RANBP3L: variants seen among roughly 807,000 people sequenced by gnomAD.
RANBP3L encodes ran-binding protein 3-like.
In RANBP3L, 56 loss-of-function variants were observed where a neutral mutation model predicts 67.2. The ratio of observed to expected loss-of-function variants is 0.83; its 90% CI spans 0.67 to 1.04. The LOEUF is 1.04. Among genes scored for constraint, RANBP3L ranks in the 50% least tolerant of loss-of-function variants. RANBP3L has a pLI of 0.00. For missense variants in RANBP3L, 496 were observed against 535.5 expected, an observed-to-expected ratio of 0.93 and a Z score of 0.73; for synonymous variants, 164 against 181.4, an observed-to-expected ratio of 0.90 and a Z score of 0.77.
chr5:36,295,032 G>A (rs1752105899), intron 1 of RANBP3L, among the ~76,000 whole-genome samples: 1 of 151,396 alleles, frequency 6.6e-6, no homozygotes, highest in Non-Finnish European at 1.5e-5. Flanking sequence ...GTTTGTCAGT[G>A]GAGATTTGTT....
intron 1 of RANBP3L, among the ~76,000 whole-genome samples, chr5:36,287,089 C>T (rs10042405): frequency 0.9 from 136,446 of 152,058 alleles, 62,678 homozygotes; most frequent in Non-Finnish European, 0.99. Flanking sequence ...TGCCCCGCCT[C>T]AGATCATCAG....
At chr5:36,298,929 A>T (rs150755681) in intron 1 of RANBP3L, among the ~76,000 whole-genome samples, 60 of 152,144 alleles carry the variant, frequency 3.9e-4, no homozygotes, top group African/African-American at 1.3e-3. Context: ...TGTCAACTTG[A>T]TTGGATTGAA....
chr5:36,287,453 G>A (rs916269534), intron 1 of RANBP3L, among the ~76,000 whole-genome samples: 4 of 152,162 alleles, frequency 2.6e-5, no homozygotes, highest in Non-Finnish European at 2.9e-5. Flanking sequence ...TAAAATAAAT[G>A]AAGTGCTATG....
At chr5:36,271,932 A>G (rs1014390958) in intron 1 of RANBP3L, among the ~76,000 whole-genome samples, 3 of 152,174 alleles carry the variant, frequency 2.0e-5, no homozygotes, top group Admixed American at 2.0e-4. Context: ...AGAGAAACTC[A>G]TTCATTCTAG....
In RANBP3L at chr5:36,262,004, T is replaced by C. The variant is rs776963502; in HGVS notation, c.519A>G (p.Leu173=). ...GCTGGACTGAAATTCTAGCCCTTGA[T>C]AAATTTTCACTTAACAAATAGGAAT... ...EGNSYLLSEN[L]SRARISVQLS... The change falls in exon 7 of 14, where the codon TTA becomes TTG. Residue 173 remains leucine (L), a synonymous_variant. Transcript: ENST00000296604. The C allele has an allele frequency of 1.2e-6, 2 of 1,606,112 alleles. No individual in the cohort carries two copies. Among genetic ancestry groups the C allele is most frequent in the Non-Finnish European group, 1.7e-6 (2 of 1,174,028 alleles).
intron 1 of RANBP3L, among the ~76,000 whole-genome samples, chr5:36,275,350 G>A (rs1750499827): frequency 6.6e-6 from 1 of 152,118 alleles, no homozygotes; most frequent in Non-Finnish European, 1.5e-5. Flanking sequence ...TTAGTAAGTG[G>A]CAACGCCTTT....
chr5:36,257,102 AG>A, intron 9 of RANBP3L, 31 bp from the exon 10 acceptor site: 1 of 1,588,046 alleles, frequency 6.3e-7, no homozygotes, highest in South Asian at 1.1e-5. Context: ...AACACTTAAA[AG>A]TCCCCATTTT....
intron 1 of RANBP3L, among the ~76,000 whole-genome samples, chr5:36,288,140 G>T (rs1207041681): frequency 1.3e-5 from 2 of 152,140 alleles, no homozygotes; most frequent in African/African-American, 4.8e-5. Flanking sequence ...TATTGCCCCA[G>T]TGTGTTCCTT....
At chr5:36,298,201 G>A (rs552028565) in intron 1 of RANBP3L, among the ~76,000 whole-genome samples, 11 of 151,760 alleles carry the variant, frequency 7.2e-5, no homozygotes, top group African/African-American at 2.7e-4. Context: ...TCAGGAGACG[G>A]AGGCAGAAGA....
At chr5:36,253,867 A>G (rs1429678858) in intron 11 of RANBP3L, 78 bp from the exon 12 acceptor site, 1 of 1,420,036 alleles carries the variant, frequency 7.0e-7, no homozygotes, top group African/African-American at 1.4e-5. Context: ...AGCAAAATAA[A>G]TCTTGTAGTT....
intron 1 of RANBP3L, among the ~76,000 whole-genome samples, chr5:36,271,825 T>G (rs1054737981): frequency 7.9e-5 from 12 of 152,206 alleles, no homozygotes; most frequent in African/African-American, 2.9e-4. Context: ...AGATAAAAAA[T>G]TAGTCTTACA....
intron 1 of RANBP3L, among the ~76,000 whole-genome samples, chr5:36,287,468 T>C (rs907329682): frequency 1.3e-5 from 2 of 152,124 alleles, no homozygotes; most frequent in Non-Finnish European, 2.9e-5. Context: ...GCTATGTAAA[T>C]GCAAACAAGA....
intron 1 of RANBP3L, among the ~76,000 whole-genome samples, chr5:36,273,068 T>C (rs1436672292): frequency 6.6e-6 from 1 of 152,216 alleles, no homozygotes; most frequent in East Asian, 1.9e-4. Flanking sequence ...CAATTCTTTG[T>C]TGTTTCTCAA....
At chr5:36,266,148 G>T (rs1278800126) in intron 4 of RANBP3L, among the ~76,000 whole-genome samples, 1 of 151,960 alleles carries the variant, frequency 6.6e-6, no homozygotes, top group African/African-American at 2.4e-5. Context: ...AATCTGAATT[G>T]GTAATGAACC....
intron 1 of RANBP3L, among the ~76,000 whole-genome samples, chr5:36,293,724 A>T (rs900343950): frequency 2.7e-5 from 4 of 148,502 alleles, no homozygotes; most frequent in African/African-American, 9.9e-5. Context: ...CATATATTGA[A>T]CCAGCCTTGC....
In RANBP3L at chr5:36,301,361, C is replaced by T. The variant is rs1166047917; in HGVS notation, c.56G>A (p.Cys19Tyr). Residue 19 changes from cysteine (C) to tyrosine (Y), a missense_variant, in exon 1 of 14, where the codon TGT becomes TAT. Cys to Tyr is a radical substitution (Grantham distance 194). Transcript: ENST00000296604. ...SSHLPGSLHT[C>Y]KLKLQEDRRQ... The stretch of plus-strand genomic sequence containing the variant: ...CCGGTCCTCCTGCAGCTTCAGTTTA[C>T]AGGTGTGCAAACTGCCAGGCAGGTG... 2.5e-6 allele frequency: 4 copies of T among 1,613,694 alleles called. No homozygotes were observed. The African/African-American group carries it at 5.3e-5, about 22-fold the overall frequency.
Position 36,270,353 on chromosome 5 carries a change from G to A in RANBP3L, c.151-363C>T, listed in dbSNP as rs534761137. On this transcript the variant is annotated intron_variant, in intron 2 of 13. Transcript: ENST00000296604. ...TCTGAAGTGGTTGTTCTGGGATGGG[G>A]TCCAGGAATCTGCTTTTTTAACAAG... 1.2e-4 allele frequency among the ~76,000 whole-genome samples: 18 copies of A among 152,328 alleles called. 1 individual carries two copies. The highest frequency in any genetic ancestry group is 3.8e-4 in the African/African-American group (16 of 41,574).
chr5:36,251,709 A>G (rs1561091430), intron 12 of RANBP3L, among the ~76,000 whole-genome samples: 5 of 152,160 alleles, frequency 3.3e-5, no homozygotes, highest in Admixed American at 2.0e-4. Flanking sequence ...AGCAATCCCA[A>G]TGTACACATT....
At chr5:36,295,389 C>A (rs374008270) in intron 1 of RANBP3L, among the ~76,000 whole-genome samples, 1 of 152,038 alleles carries the variant, frequency 6.6e-6, no homozygotes, top group African/African-American at 2.4e-5. Flanking sequence ...CGTCTTTGCT[C>A]GTCACTTCTC....
Sources: gnomAD v4.1 joint callset for allele counts (sites outside exome capture counted in the v4.1 genomes callset) on GRCh38, gnomAD v4.1.1 for gene constraint, MANE v1.5 for transcripts, NCBI Gene and HGNC (gene_info 2026-07-23, HGNC 2026-07-21) for gene names.